Variants in ARHGAP15 observed in about 807,000 individuals in gnomAD.
ARHGAP15 encodes rho GTPase-activating protein 15.
In ARHGAP15, 51 loss-of-function variants were observed where a neutral mutation model predicts 63.7. The ratio of observed to expected loss-of-function variants is 0.80; its 90% CI spans 0.64 to 1.01. ARHGAP15 has a LOEUF of 1.01. Ranked by LOEUF, ARHGAP15 falls within the 50% of genes least tolerant of loss-of-function variation. The pLI, the probability that ARHGAP15 is intolerant of heterozygous loss-of-function variation, is 0.00. For synonymous variants in ARHGAP15, 191 were observed against 193.8 expected (o/e 0.99, Z 0.12); for missense variants, 560 against 564.6 (o/e 0.99, Z 0.08).
At chr2:143,527,657 G>A (rs966691509) in intron 10 of ARHGAP15, among the ~76,000 whole-genome samples, 1 of 151,666 alleles carries the variant, frequency 6.6e-6, no homozygotes, top group Non-Finnish European at 1.5e-5. Context: ...CTATATCTAG[G>A]GTGTAAGTAT....
intron 3 of ARHGAP15, among the ~76,000 whole-genome samples, chr2:143,213,288 T>C (rs1179857547): frequency 6.6e-6 from 1 of 151,952 alleles, no homozygotes; most frequent in African/African-American, 2.4e-5. Context: ...CCGAGGTGGG[T>C]GGATCACCTG....
chr2:143,399,871 A>G (rs748531884), intron 6 of ARHGAP15, among the ~76,000 whole-genome samples: 1 of 152,122 alleles, frequency 6.6e-6, no homozygotes, highest in Non-Finnish European at 1.5e-5. Flanking sequence ...TCTCCTTCCA[A>G]CTTCAAAATG....
At chr2:143,180,617 T>G (rs935336551) in intron 2 of ARHGAP15, among the ~76,000 whole-genome samples, 10 of 152,224 alleles carry the variant, frequency 6.6e-5, no homozygotes, top group African/African-American at 2.4e-4. Context: ...TTCGTCCAGA[T>G]CCATCAGCGG....
chr2:143,711,308 T>C (rs962040325), intron 13 of ARHGAP15, among the ~76,000 whole-genome samples: 1 of 152,190 alleles, frequency 6.6e-6, no homozygotes. Flanking sequence ...ATAATAAACA[T>C]GATGCAATAT....
intron 10 of ARHGAP15, among the ~76,000 whole-genome samples, chr2:143,526,477 G>A (rs1023520697): frequency 2.6e-5 from 4 of 152,076 alleles, no homozygotes; most frequent in Non-Finnish European, 5.9e-5. Flanking sequence ...AAGACCCTAG[G>A]AAATTAGCTT....
At chr2:143,400,741 T>A (rs1439942456) in intron 6 of ARHGAP15, among the ~76,000 whole-genome samples, 1 of 152,072 alleles carries the variant, frequency 6.6e-6, no homozygotes, top group Non-Finnish European at 1.5e-5. Context: ...AATTTTATGC[T>A]GGATGACAAA....
intron 12 of ARHGAP15, among the ~76,000 whole-genome samples, chr2:143,644,647 G>A (rs189343410): frequency 2.4e-3 from 366 of 152,162 alleles, no homozygotes; most frequent in Non-Finnish European, 3.8e-3. Context: ...TACAGTGACT[G>A]GAACGTTGAA....
chr2:143,344,611 A>T (rs1165856191), intron 6 of ARHGAP15, among the ~76,000 whole-genome samples: 2 of 152,160 alleles, frequency 1.3e-5, no homozygotes, highest in Non-Finnish European at 2.9e-5. Flanking sequence ...TAAATTATTT[A>T]CAAATTTATA....
chr2:143,368,368 G>A (rs1184471701), intron 6 of ARHGAP15, among the ~76,000 whole-genome samples: 1 of 152,074 alleles, frequency 6.6e-6, no homozygotes, highest in African/African-American at 2.4e-5. Flanking sequence ...ACAGTGTTCA[G>A]AGATGTTGTT....
At chr2:143,445,153 A>ACTTTT (rs765945989) in intron 8 of ARHGAP15, among the ~76,000 whole-genome samples, 18 of 74,424 alleles carry the variant, frequency 2.4e-4, no homozygotes, top group African/African-American at 3.8e-4. Flanking sequence ...AAGAACAATT[A>ACTTTT]TTTTTTTTTT....
At chr2:143,174,589 A>G (rs1315074783) in intron 2 of ARHGAP15, among the ~76,000 whole-genome samples, 1 of 152,026 alleles carries the variant, frequency 6.6e-6, no homozygotes, top group Non-Finnish European at 1.5e-5. Context: ...CCTATAGGTT[A>G]TTTCTTTATA....
intron 6 of ARHGAP15, among the ~76,000 whole-genome samples, chr2:143,317,577 T>C (rs1049214996): frequency 1.3e-5 from 2 of 152,228 alleles, no homozygotes; most frequent in Non-Finnish European, 2.9e-5. Context: ...ATCTAGAGTA[T>C]TATGCGTGAA....
chr2:143,135,036 A>G (rs565943810), intron 1 of ARHGAP15, among the ~76,000 whole-genome samples: 1 of 152,322 alleles, frequency 6.6e-6, no homozygotes, highest in African/African-American at 2.4e-5. Flanking sequence ...AATGAAAATA[A>G]AGGAACCCAA....
At chr2:143,555,860 A>AAGAATAGAATAGAATAGAATAGAAT (rs60637898) in intron 10 of ARHGAP15, among the ~76,000 whole-genome samples, 106 of 138,184 alleles carry the variant, frequency 7.7e-4, no homozygotes, top group Non-Finnish European at 9.3e-4. Flanking sequence ...ACAGGAAAAC[A>AAGAATAGAATAGAATAGAATAGAAT]AGAATAGAAT....
intron 6 of ARHGAP15, among the ~76,000 whole-genome samples, chr2:143,420,930 G>T (rs548632499): frequency 1.3e-5 from 2 of 152,274 alleles, no homozygotes; most frequent in Non-Finnish European, 2.9e-5. Flanking sequence ...ACAGACACAT[G>T]CTAGTAACTA....
chr2:143,731,764 G>A (rs967070240), intron 13 of ARHGAP15, among the ~76,000 whole-genome samples: 13 of 152,286 alleles, frequency 8.5e-5, no homozygotes, highest in Admixed American at 1.3e-4. Flanking sequence ...AGAATAGCAC[G>A]AATAGACACA....
chr2:143,758,884 G>A (rs1458384461), intron 13 of ARHGAP15, among the ~76,000 whole-genome samples: 3 of 152,146 alleles, frequency 2.0e-5, no homozygotes, highest in Non-Finnish European at 4.4e-5. Context: ...GAAATCTGGA[G>A]GTGGAGCCCA....
chr2:143,306,639 C>A (rs772187469), intron 6 of ARHGAP15, among the ~76,000 whole-genome samples: 1 of 151,988 alleles, frequency 6.6e-6, no homozygotes, highest in African/African-American at 2.4e-5. Context: ...GTCTGAAGAC[C>A]ATTAGGGTTG....
chr2:143,223,227 G>T (rs1056827684), intron 4 of ARHGAP15, among the ~76,000 whole-genome samples: 1 of 152,130 alleles, frequency 6.6e-6, no homozygotes, highest in African/African-American at 2.4e-5. Flanking sequence ...ACCTGCCTCA[G>T]CCTCCCAAAG....
Sources: allele counts gnomAD v4.1 joint callset (sites outside exome capture counted in the v4.1 genomes callset), GRCh38; gene constraint gnomAD v4.1.1; transcripts MANE v1.5; gene names NCBI Gene and HGNC (gene_info 2026-07-23, HGNC 2026-07-21).